ELAPOR1: variants seen among roughly 807,000 people sequenced by gnomAD.
The protein encoded by ELAPOR1 is endosome/lysosome-associated apoptosis and autophagy regulator 1.
A neutral mutation model predicts 119.7 loss-of-function variants in ELAPOR1; 77 were observed. That is an observed-to-expected ratio of 0.64 (90% confidence interval 0.54 to 0.78). The LOEUF (loss-of-function observed/expected upper bound fraction) is 0.78, where lower values mean the gene tolerates loss of function less well. ELAPOR1 is among the 30% of genes least tolerant of loss of function. ELAPOR1 has a pLI of 0.00. For missense variants in ELAPOR1, 1,115 were observed against 1,270.4 expected (o/e 0.88, Z 1.86); for synonymous variants, 481 against 487.2 (o/e 0.99, Z 0.17).
chr1:109,192,008 A>G, intron 13 of ELAPOR1, 145 bp downstream of exon 13: 1 of 958,258 alleles, frequency 1.0e-6, no homozygotes, highest in South Asian at 1.6e-5. Flanking sequence ...TGCCTAACCC[A>G]GCCCTCTGAG....
chr1:109,165,767 CAG>C lies in ELAPOR1; in HGVS notation c.467+1079_467+1080del, dbSNP rs763889095. 7.2e-4 allele frequency among the ~76,000 whole-genome samples: 94 copies of C among 130,828 alleles called. 1 individual carries two copies. The highest frequency in any genetic ancestry group is 1.4e-3 in the Admixed American group (17 of 12,502). 85.8% of individuals were successfully genotyped at this position (130,828 alleles called of 152,430 possible). Reference sequence around the variant, plus strand: ...CTTCTTCTTTTTTTTTTTTTTGAGACAGAGTCTCACTCTGTCGCCCAGGCTGG... The same window carrying C: ...CTTCTTCTTTTTTTTTTTTTTGAGACAGTCTCACTCTGTCGCCCAGGCTGG... On this transcript the variant is annotated intron_variant, in intron 3 of 21. Transcript: ENST00000369939.
intron 1 of ELAPOR1, among the ~76,000 whole-genome samples, chr1:109,116,680 C>CTTTTTTT (rs71069649): frequency 6.2e-5 from 6 of 96,864 alleles, no homozygotes; most frequent in African/African-American, 1.9e-4. Flanking sequence ...CTTCTCTGTT[C>CTTTTTTT]TTTTTTTTTT....
At chr1:109,145,177 G>T (rs956982903) in intron 1 of ELAPOR1, among the ~76,000 whole-genome samples, 1 of 152,000 alleles carries the variant, frequency 6.6e-6, no homozygotes, top group African/African-American at 2.4e-5. Flanking sequence ...CCCTTTTCTT[G>T]CCCTTCTACC....
intron 7 of ELAPOR1, among the ~76,000 whole-genome samples, chr1:109,184,724 G>C (rs1321432810): frequency 1.3e-5 from 2 of 152,220 alleles, no homozygotes; most frequent in African/African-American, 4.8e-5. Context: ...GCAAGAAGCT[G>C]TTTCCGTCTA....
At chr1:109,127,179 T>C (rs1401627165) in intron 1 of ELAPOR1, among the ~76,000 whole-genome samples, 2 of 151,722 alleles carry the variant, frequency 1.3e-5, no homozygotes, top group Non-Finnish European at 2.9e-5. Context: ...TCATATTTCC[T>C]GGGCCCTCCA....
At chr1:109,123,948 G>A (rs1487048928) in intron 1 of ELAPOR1, among the ~76,000 whole-genome samples, 3 of 151,562 alleles carry the variant, frequency 2.0e-5, no homozygotes, top group East Asian at 2.0e-4. Flanking sequence ...TACTACAGGC[G>A]TGGGCCACCA....
chr1:109,184,430 C>A (rs993912243), intron 7 of ELAPOR1, among the ~76,000 whole-genome samples: 2 of 152,054 alleles, frequency 1.3e-5, no homozygotes, highest in Non-Finnish European at 2.9e-5. Context: ...GTGGGAAGAA[C>A]CTTATGTGTT....
intron 18 of ELAPOR1, 118 bp downstream of exon 18, chr1:109,198,792 G>A: frequency 1.2e-6 from 1 of 803,178 alleles, no homozygotes; most frequent in Non-Finnish European, 2.0e-6. Flanking sequence ...TCCATTAATG[G>A]GTGCTTAGGG....
intron 1 of ELAPOR1, among the ~76,000 whole-genome samples, chr1:109,128,890 G>A (rs1216058083): frequency 6.6e-6 from 1 of 152,122 alleles, no homozygotes; most frequent in Non-Finnish European, 1.5e-5. Context: ...TCTCCATAGA[G>A]TGCCATTTCC....
chr1:109,145,492 C>T (rs537268541), intron 1 of ELAPOR1, among the ~76,000 whole-genome samples: 9 of 152,030 alleles, frequency 5.9e-5, no homozygotes, highest in Admixed American at 2.0e-4. Flanking sequence ...CCTGTCTCTA[C>T]TAAAAATACA....
chr1:109,154,356 C>G (rs1650737879), intron 1 of ELAPOR1, among the ~76,000 whole-genome samples: 1 of 149,452 alleles, frequency 6.7e-6, no homozygotes, highest in African/African-American at 2.5e-5. Flanking sequence ...AGTACCCGTA[C>G]AAAATAATAA....
intron 14 of ELAPOR1, 150 bp from the exon 15 acceptor site, chr1:109,194,271 C>CA: frequency 1.6e-6 from 1 of 631,520 alleles, no homozygotes; most frequent in South Asian, 2.0e-5. Flanking sequence ...GTGCCTGTTT[C>CA]ACTTCTTTTA....
intron 1 of ELAPOR1, among the ~76,000 whole-genome samples, chr1:109,121,336 G>A (rs1370625104): frequency 1.3e-5 from 2 of 151,852 alleles, no homozygotes; most frequent in Non-Finnish European, 2.9e-5. Context: ...TAGTAGAGAT[G>A]GTGTTTCACC....
intron 3 of ELAPOR1, among the ~76,000 whole-genome samples, chr1:109,166,751 C>T (rs948625258): frequency 1.4e-4 from 22 of 151,908 alleles, no homozygotes; most frequent in Admixed American, 8.5e-4. Flanking sequence ...TCCTAGGGAG[C>T]GAAAGTGGGG....
chr1:109,114,472 G>C (rs1438674727), intron 1 of ELAPOR1, 136 bp downstream of exon 1: 7 of 1,040,342 alleles, frequency 6.7e-6, no homozygotes, highest in Non-Finnish European at 8.2e-6. Context: ...CGTGGGGGGA[G>C]GGAAGAGGAG....
At position 109,164,514 on chromosome 1, in the gene ELAPOR1, C is replaced by T. The variant is rs1558042971; in HGVS notation, c.290C>T (p.Ala97Val). ...KGTECSFSCN[A>V]GEFLDMKDQS... is the part of the protein sequence containing the mutation. Reference sequence around the variant, plus strand: ...TGTTTTCCAGCCTTCTCCTGCAACGCCGGGGAGTTTCTGGATATGAAGGAC... The same window carrying T: ...TGTTTTCCAGCCTTCTCCTGCAACGTCGGGGAGTTTCTGGATATGAAGGAC... The change falls in exon 3 of 22, where the codon GCC (alanine) becomes GTC (valine). Residue 97 changes from alanine to valine, a missense_variant. Physicochemically the swap from Ala to Val is moderately conservative, Grantham distance 64 (BLOSUM62 0). Transcript: ENST00000369939. The T allele has an allele frequency of 4.3e-6, 7 of 1,611,824 alleles. No homozygotes were observed. The highest frequency in any genetic ancestry group is 5.9e-6 in the Non-Finnish European group (7 of 1,178,256).
intron 1 of ELAPOR1, among the ~76,000 whole-genome samples, chr1:109,138,112 A>G (rs890186900): frequency 2.6e-5 from 4 of 152,182 alleles, no homozygotes; most frequent in African/African-American, 9.6e-5. Flanking sequence ...CTGCCCCCAG[A>G]GCGTGGCCCC....
intron 1 of ELAPOR1, among the ~76,000 whole-genome samples, chr1:109,143,058 T>G (rs1313940373): frequency 6.6e-6 from 1 of 152,166 alleles, no homozygotes; most frequent in Non-Finnish European, 1.5e-5. Flanking sequence ...CAAGTTATTC[T>G]CCTGCCTCAG....
In ELAPOR1 at chr1:109,199,447, G is replaced by C. The variant is rs144451940; in HGVS notation, c.2502-407G>C. On this transcript the variant is annotated intron_variant, in intron 18 of 21. Transcript: ENST00000369939. ...AAAGTACATAACAGGTATCCATACCGGAAGTTCATTCCTGAACCCCACCTC... is the reference window on the plus strand; with the variant it reads ...AAAGTACATAACAGGTATCCATACCCGAAGTTCATTCCTGAACCCCACCTC... 8.7e-3 allele frequency among the ~76,000 whole-genome samples: 1,330 copies of C among 152,226 alleles called. 14 individuals are homozygous for C. The highest frequency in any genetic ancestry group is 0.031 in the South Asian group (148 of 4,812).
Sources: allele counts gnomAD v4.1 joint callset (sites outside exome capture counted in the v4.1 genomes callset), GRCh38; gene constraint gnomAD v4.1.1; transcripts MANE v1.5; gene names NCBI Gene and HGNC (gene_info 2026-07-23, HGNC 2026-07-21).